The following LYPD6 variants were observed in gnomAD, a reference collection of about 807,000 sequenced individuals.
LYPD6 encodes the protein ly6/PLAUR domain-containing protein 6.
LYPD6 carries 15 observed loss-of-function variants against 22.7 expected under a neutral mutation model. The ratio of observed to expected loss-of-function variants is 0.66; its 90% CI spans 0.44 to 1.02. LYPD6 has a LOEUF of 1.02. LYPD6 is among the 50% of genes least tolerant of loss of function. LYPD6 has a pLI of 0.00. For missense variants in LYPD6, 189 were observed against 208.4 expected (o/e 0.91, Z 0.57); for synonymous variants, 72 against 77.5 (o/e 0.93, Z 0.37).
In LYPD6 at chr2:149,472,309, A is replaced by G. The variant is rs902797678; in HGVS notation, c.*1459A>G. ...CAAGAGCAATATGTTTGTCTCAAGGATTTTTCCATGGTTTCCTCAGTGATG... is the reference window on the plus strand; with the variant it reads ...CAAGAGCAATATGTTTGTCTCAAGGGTTTTTCCATGGTTTCCTCAGTGATG... On this transcript the variant is annotated 3_prime_UTR_variant, in exon 5 of 5. Transcript: ENST00000334166. 8 of 152,366 alleles carry G rather than the reference A, an allele frequency of 5.3e-5. No individual in the cohort carries two copies. The highest frequency in any genetic ancestry group is 1.9e-4 in the African/African-American group (8 of 41,562). 9.4% of individuals were successfully genotyped at this position (152,366 alleles called of 1,614,324 possible).
intron 1 of LYPD6, among the ~76,000 whole-genome samples, chr2:149,408,042 A>G (rs1028635779): frequency 2.0e-5 from 3 of 151,944 alleles, no homozygotes; most frequent in African/African-American, 7.3e-5. Context: ...TGTTTGCAAA[A>G]CCGCGGATTT....
intron 1 of LYPD6, among the ~76,000 whole-genome samples, chr2:149,428,043 G>T (rs2105140150): frequency 6.6e-6 from 1 of 152,330 alleles, no homozygotes; most frequent in Admixed American, 6.5e-5. Flanking sequence ...AGTTAAGATT[G>T]GGTATGCATG....
intron 1 of LYPD6, among the ~76,000 whole-genome samples, chr2:149,374,030 A>G (rs947877910): frequency 6.6e-6 from 1 of 152,166 alleles, no homozygotes; most frequent in Non-Finnish European, 1.5e-5. Context: ...TAATTGATTC[A>G]TATTGCTTTA....
intron 1 of LYPD6, among the ~76,000 whole-genome samples, chr2:149,436,876 C>T (rs138401097): frequency 1.3e-5 from 2 of 152,134 alleles, no homozygotes; most frequent in Non-Finnish European, 2.9e-5. Context: ...CCACTACGCC[C>T]ATCCAATCCG....
At chr2:149,421,224 A>C (rs562841856) in intron 1 of LYPD6, among the ~76,000 whole-genome samples, 8 of 152,098 alleles carry the variant, frequency 5.3e-5, no homozygotes, top group African/African-American at 1.4e-4. Flanking sequence ...CCCTGTCTCT[A>C]TTAAAAATAC....
At chr2:149,462,739 A>G (rs925666861) in intron 3 of LYPD6, among the ~76,000 whole-genome samples, 3 of 152,062 alleles carry the variant, frequency 2.0e-5, no homozygotes, top group Non-Finnish European at 4.4e-5. Context: ...CAGAATAAAT[A>G]GACCTTAAAA....
At chr2:149,408,288 A>G (rs1573781882) in intron 1 of LYPD6, among the ~76,000 whole-genome samples, 1 of 152,004 alleles carries the variant, frequency 6.6e-6, no homozygotes, top group African/African-American at 2.4e-5. Flanking sequence ...GACATTTTCA[A>G]TATGTTTTTC....
chr2:149,482,293 C>T, the LYPD6 span, among the ~76,000 whole-genome samples: 1 of 152,028 alleles, frequency 6.6e-6, no homozygotes, highest in African/African-American at 2.4e-5. Context: ...GCCTCCTTAC[C>T]CCTTAATACT....
chr2:149,380,870 G>A (rs927584067), intron 1 of LYPD6, among the ~76,000 whole-genome samples: 65 of 152,138 alleles, frequency 4.3e-4, no homozygotes, highest in African/African-American at 1.4e-3. Context: ...GGGACACAGG[G>A]AAATAGCAAA....
intron 2 of LYPD6, among the ~76,000 whole-genome samples, chr2:149,442,310 T>C (rs1683586381): frequency 6.6e-6 from 1 of 152,160 alleles, no homozygotes; most frequent in South Asian, 2.1e-4. Context: ...TTCCAAGAGA[T>C]GGAAACAAAG....
At chr2:149,460,020 T>C (rs1428359464) in intron 3 of LYPD6, among the ~76,000 whole-genome samples, 2 of 152,130 alleles carry the variant, frequency 1.3e-5, no homozygotes, top group Non-Finnish European at 2.9e-5. Context: ...TGATAAGTTT[T>C]GCATATAATT....
the LYPD6 span, among the ~76,000 whole-genome samples, chr2:149,481,646 A>G: frequency 1.3e-5 from 2 of 152,222 alleles, no homozygotes. Flanking sequence ...TATCAACAAA[A>G]ATGATTGCTC....
intron 3 of LYPD6, among the ~76,000 whole-genome samples, chr2:149,467,213 T>C (rs892392760): frequency 1.3e-5 from 2 of 152,200 alleles, no homozygotes; most frequent in African/African-American, 2.4e-5. Context: ...AAGAGCTCCA[T>C]AGGACCCTGG....
At chr2:149,358,522 C>T (rs1436986849) in intron 1 of LYPD6, among the ~76,000 whole-genome samples, 2 of 152,102 alleles carry the variant, frequency 1.3e-5, no homozygotes, top group Non-Finnish European at 2.9e-5. Context: ...GAATCAAGTC[C>T]TAGAGCATAA....
At chr2:149,340,905 T>A (rs557014711) in intron 1 of LYPD6, among the ~76,000 whole-genome samples, 1 of 152,292 alleles carries the variant, frequency 6.6e-6, no homozygotes, top group African/African-American at 2.4e-5. Context: ...GCTATGTAGA[T>A]CTTCACTGTT....
At chr2:149,332,277 T>G (rs1680953772) in intron 1 of LYPD6, among the ~76,000 whole-genome samples, 2 of 152,216 alleles carry the variant, frequency 1.3e-5, no homozygotes, top group Non-Finnish European at 2.9e-5. Context: ...ACACAAAGCT[T>G]GTTAAAAATT....
chr2:149,416,743 G>A (rs1421549612), intron 1 of LYPD6, among the ~76,000 whole-genome samples: 2 of 152,170 alleles, frequency 1.3e-5, no homozygotes, highest in African/African-American at 2.4e-5. Flanking sequence ...ATTGGAGACA[G>A]CACCCCGTGG....
chr2:149,393,184 T>C (rs1361728902), intron 1 of LYPD6, among the ~76,000 whole-genome samples: 1 of 152,226 alleles, frequency 6.6e-6, no homozygotes, highest in Non-Finnish European at 1.5e-5. Context: ...AAAGCCTTCT[T>C]TTCATGGTAA....
intron 1 of LYPD6, among the ~76,000 whole-genome samples, chr2:149,408,124 G>T (rs1200037122): frequency 1.3e-5 from 2 of 152,154 alleles, no homozygotes; most frequent in Non-Finnish European, 2.9e-5. Context: ...CCGGCCGTGT[G>T]AGTTGTCAGT....
Sources: gnomAD v4.1 joint callset for allele counts (sites outside exome capture counted in the v4.1 genomes callset) on GRCh38, gnomAD v4.1.1 for gene constraint, MANE v1.5 for transcripts, NCBI Gene and HGNC (gene_info 2026-07-23, HGNC 2026-07-21) for gene names.